TMEM8B: variants seen among roughly 807,000 people sequenced by gnomAD.
The protein encoded by TMEM8B is nasopharyngeal carcinoma expressed 6.
In TMEM8B, 29 loss-of-function variants were observed where a neutral mutation model predicts 49.3. The observed-to-expected ratio is 0.59, with a 90% CI of 0.44 to 0.80. The LOEUF (loss-of-function observed/expected upper bound fraction) is 0.80, where lower values mean the gene tolerates loss of function less well. Ranked by LOEUF, TMEM8B falls within the 30% of genes least tolerant of loss-of-function variation. The pLI is 0.00. For missense variants in TMEM8B, 575 were observed against 658.5 expected, an observed-to-expected ratio of 0.87 and a Z score of 1.39; for synonymous variants, 264 against 272.8, an observed-to-expected ratio of 0.97 and a Z score of 0.32.
At chr9:35,845,023 C>T (rs574764081) in intron 6 of TMEM8B, among the ~76,000 whole-genome samples, 1 of 152,216 alleles carries the variant, frequency 6.6e-6, no homozygotes, top group Middle Eastern at 3.4e-3. Flanking sequence ...AATACTTTGG[C>T]ATATTGCCCC....
At chr9:35,851,457 A>G (rs2132389237) in intron 10 of TMEM8B, among the ~76,000 whole-genome samples, 1 of 152,326 alleles carries the variant, frequency 6.6e-6, no homozygotes, top group East Asian at 1.9e-4. Context: ...AAAAAAATTC[A>G]TTCTAATGTT....
In TMEM8B at chr9:35,829,825, C is replaced by T; in HGVS notation, c.378C>T (p.Pro126=). 2.4e-6 allele frequency: 1 copy of T among 416,352 alleles called. No homozygotes were observed. Among genetic ancestry groups the T allele is most frequent in the East Asian group, 3.6e-5 (1 of 28,088 alleles). 25.8% of individuals were successfully genotyped at this position (416,352 alleles called of 1,614,324 possible). A position where few individuals can be genotyped will look rare whatever the true frequency, so the allele number is the denominator to read the frequency against. ...CTTTGCCCTCATCTCTGTGTTTACC[C>T]AAGTCTCTCCCTCTAGTCCCCCCTA... ...SQPLPSSLCL[P]KSLPLVPPIS... Residue 126 remains proline, a synonymous_variant, in exon 1 of 13, where the codon CCC becomes CCT. Coordinates refer to ENST00000643932, the MANE Select transcript of TMEM8B (RefSeq NM_001042590.4).
intron 10 of TMEM8B, among the ~76,000 whole-genome samples, chr9:35,849,696 T>A (rs1411175985): frequency 1.3e-5 from 2 of 152,228 alleles, no homozygotes; most frequent in Non-Finnish European, 2.9e-5. Flanking sequence ...AACTTCAGTT[T>A]CTCTTAAGTC....
rs1011041203 is a variant in TMEM8B, at chr9:35,841,252, G to A, written c.1025G>A (p.Arg342His). Residue 342 changes from arginine (R) to histidine (H), a missense_variant, in exon 4 of 13, where the codon CGC (arginine) becomes CAC (histidine). Coordinates refer to ENST00000643932, the MANE Select transcript of TMEM8B (RefSeq NM_001042590.4). This position sits in a 1 kb window ranked among gnomAD's most constrained non-coding sequence, Gnocchi z 5.9. ...PSEQTLSPHNRSALYKVFVPS... is the reference protein window; with the variant it reads ...PSEQTLSPHNHSALYKVFVPS... ...GAGCAAACCCTCTCCCCACACAATC[G>A]CTCAGCCCTGTACAAGTAAGTCAAA... 14 of 415,960 alleles carry A rather than the reference G, an allele frequency of 3.4e-5. No homozygotes were observed. Among genetic ancestry groups the A allele is most frequent in the East Asian group, 1.1e-4 (3 of 28,080 alleles). The allele number at this position is 415,960 out of a possible 1,614,324, so 25.8% of individuals were successfully genotyped here.
chr9:35,835,123 C>T lies in TMEM8B; in HGVS notation c.811C>T (p.Arg271Cys), dbSNP rs943077652. The change falls in exon 3 of 13, where the codon CGC (arginine) becomes TGC (cysteine). Residue 271 changes from arginine (R) to cysteine (C), a missense_variant. Arg to Cys is a radical substitution (Grantham distance 180). Coordinates refer to ENST00000643932, the MANE Select transcript of TMEM8B (RefSeq NM_001042590.4). ...SLTLSWTLPN[R>C]TSGIFNVSSP... ...GACCCTCAGCTGGACACTGCCCAACCGCACCTCAGGCATCTTTAACGTCAG... is the reference window on the plus strand; with the variant it reads ...GACCCTCAGCTGGACACTGCCCAACTGCACCTCAGGCATCTTTAACGTCAG... 13 of 415,784 alleles carry T rather than the reference C, an allele frequency of 3.1e-5. No homozygotes were observed. The highest frequency in any genetic ancestry group is 6.2e-4 in the Middle Eastern group (2 of 3,250). 25.8% of individuals were successfully genotyped at this position (415,784 alleles called of 1,614,324 possible). A position where few individuals can be genotyped will look rare whatever the true frequency, so the allele number is the denominator to read the frequency against.
In TMEM8B at chr9:35,829,846, C is replaced by G. The variant is rs895081791; in HGVS notation, c.399C>G (p.Pro133=). 1 of 416,284 alleles carries G rather than the reference C, an allele frequency of 2.4e-6. No homozygotes were observed. Among genetic ancestry groups the G allele is most frequent in the African/African-American group, 2.1e-5 (1 of 48,704 alleles). The allele number at this position is 416,284 out of a possible 1,614,324, so 25.8% of individuals were successfully genotyped here. ...TACCCAAGTCTCTCCCTCTAGTCCC[C>G]CCTATCTCTCATACTCTGCCCCTCT... ...LCLPKSLPLV[P]PISHTLPLSQ... is the part of the protein sequence containing the mutation. Residue 133 remains proline (P), a synonymous_variant, in exon 1 of 13, where the codon CCC becomes CCG. Coordinates refer to ENST00000643932, the MANE Select transcript of TMEM8B (RefSeq NM_001042590.4).
chr9:35,847,127 A>G (rs544979509), intron 10 of TMEM8B, 132 bp downstream of exon 10: 1 of 1,614,224 alleles, frequency 6.2e-7, no homozygotes, highest in Admixed American at 1.7e-5. Flanking sequence ...AGACAGAGAC[A>G]GCAGTGCTTC....
chr9:35,843,583 G>A (rs1831228945), intron 6 of TMEM8B, among the ~76,000 whole-genome samples: 1 of 152,192 alleles, frequency 6.6e-6, no homozygotes, highest in Non-Finnish European at 1.5e-5. Flanking sequence ...TTTTTCAGCA[G>A]CTGCATTACA....
At chr9:35,832,423 G>A (rs953723809) in intron 1 of TMEM8B, among the ~76,000 whole-genome samples, 1 of 152,026 alleles carries the variant, frequency 6.6e-6, no homozygotes, top group Non-Finnish European at 1.5e-5. Context: ...CTTCTTCCAA[G>A]TTCCTCCTAG....
chr9:35,846,192 G>A lies in TMEM8B; in HGVS notation c.1730-66G>A, dbSNP rs1831531844. 10 of 1,608,096 alleles carry A rather than the reference G, an allele frequency of 6.2e-6. No individual in the cohort carries two copies. In the African/African-American group the frequency reaches 1.2e-4, roughly 19 times the overall value. ...GCTAGGGTTCCGGGAAGTGGGAGCA[G>A]GTGGGTGAGGGTTCTTGGGTTCTGA... On this transcript the variant is annotated intron_variant, in intron 7 of 12. Transcript: ENST00000643932.
rs796759666 is a variant in TMEM8B, at chr9:35,862,907, A to G, written c.*9067A>G. The G allele has an allele frequency of 1.5e-4, 23 of 152,280 alleles. No individual in the cohort carries two copies. Among genetic ancestry groups the G allele is most frequent in the African/African-American group, 5.1e-4 (21 of 41,558 alleles). The allele number at this position is 152,280 out of a possible 1,614,324, so 9.4% of individuals were successfully genotyped here. Reference sequence around the variant, plus strand: ...CAGTGAAAGGGCTGTGTCCTTCATCACTGTCACCCTCCAGTGACCCGCAGC... The same window carrying G: ...CAGTGAAAGGGCTGTGTCCTTCATCGCTGTCACCCTCCAGTGACCCGCAGC... On this transcript the variant is annotated 3_prime_UTR_variant, in exon 13 of 13. Transcript: ENST00000643932.
In TMEM8B at chr9:35,846,045, A is replaced by T. The variant is rs773244067; in HGVS notation, c.1706A>T (p.Asp569Val). The T allele has an allele frequency of 1.2e-6, 2 of 1,611,974 alleles. No individual in the cohort carries two copies. The highest frequency in any genetic ancestry group is 1.7e-5 in the Admixed American group (1 of 59,790). The change falls in exon 7 of 13, where the codon GAT (aspartate) becomes GTT (valine). Residue 569 changes from aspartate to valine, a missense_variant. Asp to Val is a radical substitution (Grantham distance 152, BLOSUM62 -3). Transcript: ENST00000643932. The part of the protein sequence containing the change: ...LTHEVPLSLG[D>V]AAVTCSKESL... ...CACGAGGTGCCCTTGAGCCTGGGGG[A>T]TGCAGCAGTGACCTGTTCCAAAGGT...
At chr9:35,843,504 A>C (rs1831221384) in intron 6 of TMEM8B, among the ~76,000 whole-genome samples, 1 of 152,046 alleles carries the variant, frequency 6.6e-6, no homozygotes, top group African/African-American at 2.4e-5. Context: ...GAAATAAGTG[A>C]TCTGAGGTGG....
Position 35,852,933 on chromosome 9 carries a change from C to T in TMEM8B, c.2282C>T (p.Thr761Ile), listed in dbSNP as rs761213839. The change falls in exon 11 of 13, where the codon ACT becomes ATT. Residue 761 changes from threonine to isoleucine, a missense_variant. Coordinates refer to ENST00000643932, the MANE Select transcript of TMEM8B (RefSeq NM_001042590.4). The stretch of plus-strand genomic sequence containing the variant: ...GGCTCCTTAATGTCCGTGTGGGTCA[C>T]TGTCATTGCCATGGCTCGTTTACAG... ...FLGSLMSVWV[T>I]VIAMARLQPV... 1 of 1,614,188 alleles carries T rather than the reference C, an allele frequency of 6.2e-7. No homozygotes were observed. Among genetic ancestry groups the T allele is most frequent in the African/African-American group, 1.3e-5 (1 of 75,036 alleles).
rs747342153 is a variant in TMEM8B at position 35,841,758 on chromosome 9, A to G, written c.1273A>G (p.Arg425Gly). Reference sequence around the variant, plus strand: ...GGAAACATCATCCCGGGGCCCTGGTAGGACCATCCGCTTCCAGCTGTGTGT... The same window carrying G: ...GGAAACATCATCCCGGGGCCCTGGTGGGACCATCCGCTTCCAGCTGTGTGT... The part of the protein sequence containing the change: ...RVETSSRGPG[R>G]TIRFQLCVRL... The change falls in exon 5 of 13, where the codon AGG (arginine) becomes GGG (glycine). Residue 425 changes from arginine to glycine, a missense_variant. Physicochemically the swap from Arg to Gly is moderately radical, Grantham distance 125 (BLOSUM62 -2). Coordinates refer to ENST00000643932, the MANE Select transcript of TMEM8B (RefSeq NM_001042590.4). The surrounding 1 kb of genome is among the most constrained non-coding windows in gnomAD (Gnocchi z 5.9). 3.4e-5 allele frequency: 14 copies of G among 415,848 alleles called. No homozygotes were observed. Among genetic ancestry groups the G allele is most frequent in the Non-Finnish European group, 5.7e-5 (13 of 226,490 alleles). The allele number at this position is 415,848 out of a possible 1,614,324, so 25.8% of individuals were successfully genotyped here. A position where few individuals can be genotyped will look rare whatever the true frequency, so the allele number is the denominator to read the frequency against.
Position 35,846,510 on chromosome 9 carries a change from G to A in TMEM8B, c.1895G>A (p.Arg632His). 2 of 1,593,392 alleles carry A rather than the reference G, an allele frequency of 1.3e-6. No homozygotes were observed. The highest frequency in any genetic ancestry group is 2.3e-5 in the East Asian group (1 of 43,740). The change falls in exon 9 of 13, where the codon CGC becomes CAC. Residue 632 changes from arginine (R) to histidine (H), a missense_variant. By Grantham distance (29) the Arg-to-His change is conservative. Coordinates refer to ENST00000643932, the MANE Select transcript of TMEM8B (RefSeq NM_001042590.4). ...CRNATAEVRM[R>H]TFLSPCVDDC... ...AACGCGACGGCCGAGGTGCGGATGC[G>A]CACCTTCCTGTCCCCATGCGTGGAC...
At position 35,864,351 on chromosome 9, in the gene TMEM8B, A is replaced by G. The variant is rs890758758; in HGVS notation, c.*10511A>G. On this transcript the variant is annotated 3_prime_UTR_variant, in exon 13 of 13. Coordinates refer to ENST00000643932, the MANE Select transcript of TMEM8B (RefSeq NM_001042590.4). ...TTTTAGGCTTCACAAATTATTTTAA[A>G]AGAAAAGATAGGGGCATAACAAGAA... 6.6e-6 allele frequency: 1 copy of G among 152,226 alleles called. No homozygotes were observed. The highest frequency in any genetic ancestry group is 1.5e-5 in the Non-Finnish European group (1 of 68,048). 9.4% of individuals were successfully genotyped at this position (152,226 alleles called of 1,614,324 possible).
rs937603238 is a variant in TMEM8B, at chr9:35,856,661, C to T, written c.*2821C>T. 7 of 152,224 alleles carry T rather than the reference C, an allele frequency of 4.6e-5. No homozygotes were observed. In the East Asian group the frequency reaches 5.8e-4, roughly 13 times the overall value. The allele number at this position is 152,224 out of a possible 1,614,324, so 9.4% of individuals were successfully genotyped here. On this transcript the variant is annotated 3_prime_UTR_variant, in exon 13 of 13. Transcript: ENST00000643932. ...TGGTGAAGCCTTCTTAAAGCAATAT[C>T]GGTGGAAAGGAGGGGACCAATTTAA...
rs1831604318 is a variant in TMEM8B, at chr9:35,846,601, G to A, written c.1986G>A (p.Glu662=). The A allele has an allele frequency of 1.9e-6, 3 of 1,572,876 alleles. No homozygotes were observed. The highest frequency in any genetic ancestry group is 3.8e-5 in the Admixed American group (2 of 53,134). ...ACAATTATCTGTACGCAGCCTGCGA[G>A]TGCAAGGCCGGTGAGCAGGCTGGCG... is the stretch of plus-strand genomic sequence containing the variant. ...RTHNYLYAAC[E]CKAGWRGWGC... Residue 662 remains glutamate, a synonymous_variant, in exon 9 of 13, where the codon GAG becomes GAA. Transcript: ENST00000643932.
Sources: allele counts gnomAD v4.1 joint callset (sites outside exome capture counted in the v4.1 genomes callset), GRCh38; gene constraint gnomAD v4.1.1; non-coding constraint Gnocchi (gnomAD v3.1); transcripts MANE v1.5; gene names NCBI Gene and HGNC (gene_info 2026-07-23, HGNC 2026-07-21).